The following FOXK2 variants were observed in gnomAD, a reference collection of about 807,000 sequenced individuals.
FOXK2 encodes forkhead box protein K2.
A neutral mutation model predicts 53.3 loss-of-function variants in FOXK2; 24 were observed. The observed-to-expected ratio is 0.45, with a 90% CI of 0.33 to 0.63. FOXK2 has a LOEUF of 0.63. Ranked by LOEUF, FOXK2 falls within the 30% of genes least tolerant of loss-of-function variation. The probability of loss-of-function intolerance (pLI) is 0.03; values close to 1 mark genes in which losing one functional copy is unlikely to be tolerated. For synonymous variants in FOXK2, 505 were observed against 407.1 expected, an observed-to-expected ratio of 1.24 and a Z score of -2.89; for missense variants, 952 against 910.5, an observed-to-expected ratio of 1.05 and a Z score of -0.59.
chr17:82,537,071 T>C (rs1421878534), intron 1 of FOXK2, among the ~76,000 whole-genome samples: 1 of 152,064 alleles, frequency 6.6e-6, no homozygotes, highest in Non-Finnish European at 1.5e-5. Flanking sequence ...ATATAAAGCT[T>C]AGCGGTTGGT....
intron 1 of FOXK2, among the ~76,000 whole-genome samples, chr17:82,525,519 G>T (rs936719902): frequency 2.6e-5 from 4 of 152,140 alleles, no homozygotes; most frequent in Non-Finnish European, 4.4e-5. Flanking sequence ...TGGTCTGGAG[G>T]CTATGATTAG....
At chr17:82,580,890 G>T (rs544942103) in intron 4 of FOXK2, among the ~76,000 whole-genome samples, 11 of 148,256 alleles carry the variant, frequency 7.4e-5, no homozygotes, top group Admixed American at 4.1e-4. Context: ...CCATCCACAG[G>T]GCCCAGATCC....
At chr17:82,535,754 G>GTT (rs909303391) in intron 1 of FOXK2, among the ~76,000 whole-genome samples, 1 of 143,832 alleles carries the variant, frequency 7.0e-6, no homozygotes, top group Non-Finnish European at 1.5e-5. Flanking sequence ...TTTTGTTTTT[G>GTT]TTTTTTTTTT....
At chr17:82,540,273 C>G (rs2044561733) in intron 1 of FOXK2, among the ~76,000 whole-genome samples, 1 of 143,290 alleles carries the variant, frequency 7.0e-6, no homozygotes, top group Non-Finnish European at 1.6e-5. Context: ...AAGAGCGAAA[C>G]TGTCTCAAAA....
chr17:82,596,127 A>C, intron 8 of FOXK2: 1 of 768,520 alleles, frequency 1.3e-6, no homozygotes, highest in Non-Finnish European at 1.6e-6. Flanking sequence ...ACAGACTGCG[A>C]CCGCGATTGC....
chr17:82,550,321 C>A (rs563300202), intron 1 of FOXK2, among the ~76,000 whole-genome samples: 35 of 152,274 alleles, frequency 2.3e-4, no homozygotes, highest in Non-Finnish European at 4.1e-4. Context: ...AGCAAGGCAC[C>A]CCTGTTCACA....
rs2045403142 is a variant in FOXK2 at position 82,602,968 on chromosome 17, G to A, written c.*1469G>A. On this transcript the variant is annotated 3_prime_UTR_variant, in exon 9 of 9. Coordinates refer to ENST00000335255, the MANE Select transcript of FOXK2 (RefSeq NM_004514.4). ...GTATTTTCCTGGTGGGATGAAATAGGGATGAAATGGCTCAGAATGGTATAT... is the reference window on the plus strand; with the variant it reads ...GTATTTTCCTGGTGGGATGAAATAGAGATGAAATGGCTCAGAATGGTATAT... 6.6e-6 allele frequency: 1 copy of A among 152,538 alleles called. No homozygotes were observed. The highest frequency in any genetic ancestry group is 2.4e-5 in the African/African-American group (1 of 41,416). 9.4% of individuals were successfully genotyped at this position (152,538 alleles called of 1,614,324 possible).
chr17:82,526,408 A>G (rs2044418700), intron 1 of FOXK2, among the ~76,000 whole-genome samples: 2 of 152,178 alleles, frequency 1.3e-5, no homozygotes, highest in South Asian at 4.1e-4. Context: ...GCTGGAGAAT[A>G]AGGAAGGAGT....
intron 1 of FOXK2, among the ~76,000 whole-genome samples, chr17:82,539,189 G>A (rs1488752813): frequency 2.7e-5 from 4 of 150,382 alleles, no homozygotes; most frequent in Non-Finnish European, 4.4e-5. Context: ...TAAGGTGGCC[G>A]GGCGTGGTGG....
intron 4 of FOXK2, chr17:82,577,067 CAGG>C: frequency 4.5e-6 from 2 of 441,892 alleles, no homozygotes; most frequent in South Asian, 2.3e-5. Context: ...GAGGCTGAAG[CAGG>C]AGAATTGTTT....
chr17:82,565,712 A>G (rs979341385), intron 2 of FOXK2, among the ~76,000 whole-genome samples: 1 of 152,212 alleles, frequency 6.6e-6, no homozygotes, highest in South Asian at 2.1e-4. Context: ...GTTGCAAGGA[A>G]TGCCAAACCG....
At chr17:82,585,719 A>G (rs1255977266) in intron 6 of FOXK2, among the ~76,000 whole-genome samples, 185 bp from the exon 7 acceptor site, 1 of 152,212 alleles carries the variant, frequency 6.6e-6, no homozygotes, top group Non-Finnish European at 1.5e-5. Context: ...GATAGGAATT[A>G]AATACCCCTT....
In FOXK2 at chr17:82,546,114, G is replaced by GTTTTTTTT. The variant is rs531735206; in HGVS notation, c.420-17227_420-17220dup. Among the ~76,000 whole-genome samples the GTTTTTTTT allele has an allele frequency of 1.1e-4, 11 of 101,710 alleles. 1 individual carries two copies. Among genetic ancestry groups the GTTTTTTTT allele is most frequent in the East Asian group, 2.7e-4 (1 of 3,760 alleles). The allele number at this position is 101,710 out of a possible 152,430, so 66.7% of individuals were successfully genotyped here. ...GCTTACTTGCTACCAAGCATGGTTG[G>GTTTTTTTT]TTTTTTTTTTTTTTTTTTTTGAGAT... On this transcript the variant is annotated intron_variant, in intron 1 of 8. Coordinates refer to ENST00000335255, the MANE Select transcript of FOXK2 (RefSeq NM_004514.4).
At chr17:82,588,886 TAA>T (rs71369024) in intron 8 of FOXK2, among the ~76,000 whole-genome samples, 42,333 of 121,848 alleles carry the variant, frequency 0.35, 7,060 homozygotes, top group African/African-American at 0.49. Context: ...CCATTTCTAC[TAA>T]AAAAAAAAAA....
intron 8 of FOXK2, among the ~76,000 whole-genome samples, chr17:82,591,746 G>A (rs577643229): frequency 1.4e-4 from 21 of 152,178 alleles, no homozygotes; most frequent in Non-Finnish European, 2.6e-4. Flanking sequence ...CTCAGAGCTC[G>A]CTTTGGGAGA....
At chr17:82,547,563 C>G (rs1038309753) in intron 1 of FOXK2, among the ~76,000 whole-genome samples, 1 of 152,000 alleles carries the variant, frequency 6.6e-6, no homozygotes, top group African/African-American at 2.4e-5. Flanking sequence ...TTACAGTGTG[C>G]AATACTGTAA....
At chr17:82,587,309 G>A (rs750689997) in intron 8 of FOXK2, 37 bp downstream of exon 8, 3 of 1,522,192 alleles carry the variant, frequency 2.0e-6, no homozygotes, top group Non-Finnish European at 2.7e-6. Context: ...CGTGGCTGTG[G>A]GTACTGGGAG....
intron 8 of FOXK2, chr17:82,595,638 T>C (rs935267119): frequency 3.9e-6 from 2 of 515,134 alleles, no homozygotes; most frequent in African/African-American, 2.0e-5. Context: ...GACAGAGTGC[T>C]ATACATGTGG....
At chr17:82,547,874 T>C (rs922033301) in intron 1 of FOXK2, among the ~76,000 whole-genome samples, 6 of 152,202 alleles carry the variant, frequency 3.9e-5, no homozygotes, top group Non-Finnish European at 8.8e-5. Context: ...CATGGAATCA[T>C]GTAGAATATA....
Sources: gnomAD v4.1 joint callset for allele counts (sites outside exome capture counted in the v4.1 genomes callset) on GRCh38, gnomAD v4.1.1 for gene constraint, MANE v1.5 for transcripts, NCBI Gene and HGNC (gene_info 2026-07-23, HGNC 2026-07-21) for gene names.